Variants in CRACD observed in about 807,000 individuals in gnomAD.
The protein encoded by CRACD is capping protein inhibiting regulator of actin dynamics.
CRACD carries 56 observed loss-of-function variants against 106.8 expected under a neutral mutation model. The ratio of observed to expected loss-of-function variants is 0.52; its 90% CI spans 0.42 to 0.66. The LOEUF (loss-of-function observed/expected upper bound fraction) is 0.66, where lower values mean the gene tolerates loss of function less well. Among genes scored for constraint, CRACD ranks in the 30% least tolerant of loss-of-function variants. CRACD has a pLI of 0.00. For synonymous variants in CRACD, 754 were observed against 670.8 expected (o/e 1.12, Z -1.92); for missense variants, 1,730 against 1,623.2 (o/e 1.07, Z -1.13).
intron 2 of CRACD, among the ~76,000 whole-genome samples, chr4:56,236,326 T>C (rs907024341): frequency 1.3e-5 from 2 of 152,206 alleles, no homozygotes; most frequent in Admixed American, 6.5e-5. Flanking sequence ...CCTAGGGCCT[T>C]CAGAGGGAAC....
chr4:56,059,356 G>A (rs1732190848), intron 1 of CRACD, among the ~76,000 whole-genome samples: 1 of 152,102 alleles, frequency 6.6e-6, no homozygotes, highest in Non-Finnish European at 1.5e-5. Flanking sequence ...TGCACCTGTG[G>A]TCCCAGCTAC....
At chr4:56,269,788 C>A (rs1252187072) in intron 2 of CRACD, among the ~76,000 whole-genome samples, 1 of 151,986 alleles carries the variant, frequency 6.6e-6, no homozygotes, top group Non-Finnish European at 1.5e-5. Flanking sequence ...CATTCAATAT[C>A]ACGAGGACAG....
chr4:56,160,399 G>A (rs1450609259), intron 1 of CRACD, among the ~76,000 whole-genome samples: 1 of 151,888 alleles, frequency 6.6e-6, no homozygotes, highest in African/African-American at 2.4e-5. Flanking sequence ...GCCCAGGCTG[G>A]TCTCAAACTC....
intron 2 of CRACD, among the ~76,000 whole-genome samples, chr4:56,264,007 A>C (rs923199311): frequency 8.5e-5 from 13 of 152,228 alleles, no homozygotes; most frequent in Non-Finnish European, 1.5e-4. Flanking sequence ...TGCAGGATGT[A>C]CAGAAGGCAT....
chr4:56,145,761 T>C (rs1483622639), intron 1 of CRACD, among the ~76,000 whole-genome samples: 4 of 151,982 alleles, frequency 2.6e-5, no homozygotes, highest in African/African-American at 9.7e-5. Context: ...GGACTAGAAG[T>C]GTGTGACTCC....
At chr4:56,073,501 A>T (rs1732733723) in intron 1 of CRACD, among the ~76,000 whole-genome samples, 1 of 152,146 alleles carries the variant, frequency 6.6e-6, no homozygotes, top group Non-Finnish European at 1.5e-5. Flanking sequence ...TTGTGCAGAT[A>T]AGGAAACGGA....
intron 1 of CRACD, among the ~76,000 whole-genome samples, chr4:56,094,050 G>A (rs1374907390): frequency 6.6e-6 from 1 of 152,078 alleles, no homozygotes; most frequent in Non-Finnish European, 1.5e-5. Context: ...TGGATGGAAA[G>A]GTTCGCATCA....
intron 1 of CRACD, among the ~76,000 whole-genome samples, chr4:56,056,846 G>C (rs1195113711): frequency 6.6e-6 from 1 of 152,196 alleles, no homozygotes; most frequent in Non-Finnish European, 1.5e-5. Context: ...GCTGAGGCAG[G>C]TGGATCCCTT....
In CRACD at chr4:56,315,693, G is replaced by A; in HGVS notation, c.2191G>A (p.Gly731Ser). 2 of 1,614,198 alleles carry A rather than the reference G, an allele frequency of 1.2e-6. No homozygotes were observed. Among genetic ancestry groups the A allele is most frequent in the Non-Finnish European group, 1.7e-6 (2 of 1,180,046 alleles). The change falls in exon 8 of 11, where the codon GGT (glycine) becomes AGT (serine). Residue 731 changes from glycine to serine, a missense_variant. By Grantham distance (56) the Gly-to-Ser change is moderately conservative (BLOSUM62 0). Coordinates refer to ENST00000682029, the MANE Select transcript of CRACD (RefSeq NM_001393381.1). The surrounding 1 kb of genome is among the most constrained non-coding windows in gnomAD (Gnocchi z 4.1). ...IMPAWQKFSDGGTETSKQSTE... is the reference protein window; with the variant it reads ...IMPAWQKFSDSGTETSKQSTE... ...GCCTGCCTGGCAGAAATTTTCCGAT[G>A]GTGGCACGGAGACCTCCAAACAGAG...
intron 2 of CRACD, among the ~76,000 whole-genome samples, chr4:56,228,103 G>A (rs374264948): frequency 2.8e-4 from 42 of 152,158 alleles, no homozygotes; most frequent in South Asian, 8.3e-4. Flanking sequence ...TGGTACCCCC[G>A]TTACTCCAAG....
chr4:56,140,866 C>T (rs1353319789), intron 1 of CRACD, among the ~76,000 whole-genome samples: 1 of 152,180 alleles, frequency 6.6e-6, no homozygotes, highest in Non-Finnish European at 1.5e-5. Flanking sequence ...AAAACTAAAC[C>T]CTGGGTATAT....
intron 1 of CRACD, among the ~76,000 whole-genome samples, chr4:56,114,347 G>A (rs1407339023): frequency 2.0e-5 from 3 of 151,916 alleles, no homozygotes; most frequent in African/African-American, 7.2e-5. Context: ...GGGTTGAAGG[G>A]CATGCCAGAA....
rs1422068121 is a variant in CRACD at position 56,314,172 on chromosome 4, CAAG to C, written c.675_677del (p.Glu225del). On this transcript the variant is annotated inframe_deletion, in exon 8 of 11. Coordinates refer to ENST00000682029, the MANE Select transcript of CRACD (RefSeq NM_001393381.1). The surrounding 1 kb of genome is among the most constrained non-coding windows in gnomAD (Gnocchi z 4.4). ...GGATTCCGAGGAAGAGAGAAGACGC[CAAG>C]AAGACTACTGGCGAGAACTGGAGGC... The C allele has an allele frequency of 1.9e-5, 30 of 1,613,664 alleles. No homozygotes were observed. The highest frequency in any genetic ancestry group is 4.0e-5 in the African/African-American group (3 of 74,922).
At chr4:56,113,381 A>G (rs546720717) in intron 1 of CRACD, among the ~76,000 whole-genome samples, 2 of 152,336 alleles carry the variant, frequency 1.3e-5, no homozygotes, top group South Asian at 4.1e-4. Flanking sequence ...ATGTCTAATG[A>G]TAGGCAGTAA....
At chr4:56,098,836 G>T (rs371706529) in intron 1 of CRACD, among the ~76,000 whole-genome samples, 1 of 151,990 alleles carries the variant, frequency 6.6e-6, no homozygotes, top group Non-Finnish European at 1.5e-5. Flanking sequence ...CACCACGCCC[G>T]GCTAATTTTT....
At chr4:56,064,117 G>C (rs1220325932) in intron 1 of CRACD, among the ~76,000 whole-genome samples, 1 of 152,162 alleles carries the variant, frequency 6.6e-6, no homozygotes, top group African/African-American at 2.4e-5. Flanking sequence ...GCATATTTTT[G>C]TGTGCTTATT....
chr4:56,124,013 C>T (rs1577678165), intron 1 of CRACD, among the ~76,000 whole-genome samples: 1 of 152,222 alleles, frequency 6.6e-6, no homozygotes, highest in East Asian at 1.9e-4. Context: ...TCTTGGCTCA[C>T]TGCAACCTCT....
chr4:56,294,068 A>T (rs575527735), intron 3 of CRACD, among the ~76,000 whole-genome samples: 1 of 152,080 alleles, frequency 6.6e-6, no homozygotes, highest in African/African-American at 2.4e-5. Flanking sequence ...TCTACAAAAA[A>T]TTTTAAAAGT....
chr4:56,054,946 C>G (rs764311884), intron 1 of CRACD, among the ~76,000 whole-genome samples: 11 of 152,044 alleles, frequency 7.2e-5, no homozygotes, highest in Non-Finnish European at 1.5e-4. Context: ...GAAGAAATGT[C>G]GAAAAACTTG....
Sources: allele counts gnomAD v4.1 joint callset (sites outside exome capture counted in the v4.1 genomes callset), GRCh38; gene constraint gnomAD v4.1.1; non-coding constraint Gnocchi (gnomAD v3.1); transcripts MANE v1.5; gene names NCBI Gene and HGNC (gene_info 2026-07-23, HGNC 2026-07-21).